The following C3 variants were observed in gnomAD, a reference collection of about 807,000 sequenced individuals.
C3 encodes complement C3, also known as C3 and PZP-like alpha-2-macroglobulin domain-containing protein 1.
In C3, 97 loss-of-function variants were observed where a neutral mutation model predicts 207.9. The ratio of observed to expected loss-of-function variants is 0.47; its 90% CI spans 0.40 to 0.55. The LOEUF (loss-of-function observed/expected upper bound fraction) is 0.55. Ranked by LOEUF, C3 falls within the 20% of genes least tolerant of loss-of-function variation. The probability of loss-of-function intolerance (pLI) is 0.00; values close to 1 mark genes in which losing one functional copy is unlikely to be tolerated. For synonymous variants in C3, 848 were observed against 857.6 expected (o/e 0.99, Z 0.20); for missense variants, 1,684 against 2,171.7 (o/e 0.78, Z 4.46).
chr19:6,719,784 C>G lies in C3; in HGVS notation c.75-381G>C, dbSNP rs115345528. Among the ~76,000 whole-genome samples the G allele has an allele frequency of 1.4e-3, 208 of 152,186 alleles. 1 individual carries two copies. Among genetic ancestry groups the G allele is most frequent in the African/African-American group, 4.9e-3 (203 of 41,500 alleles). On this transcript the variant is annotated intron_variant, in intron 1 of 40. Coordinates refer to ENST00000245907, the MANE Select transcript of C3 (RefSeq NM_000064.4). This position sits in a 1 kb window ranked among gnomAD's most constrained non-coding sequence, Gnocchi z 5.4. ...TGCCCCAAACCCTAAACCTCTACCT[C>G]TCTAAACACTCCAAATATGTAAACA...
At chr19:6,690,544 C>T (rs1230903308) in intron 27 of C3, 85 bp downstream of exon 27, 1 of 1,062,644 alleles carries the variant, frequency 9.4e-7, no homozygotes, top group Admixed American at 1.7e-5. Context: ...CTGCAAATTC[C>T]CTGAAGGCAA....
At chr19:6,716,755 T>C (rs1968041716) in intron 4 of C3, 1 of 152,208 alleles carries the variant, frequency 6.6e-6, no homozygotes, top group Non-Finnish European at 1.5e-5. Flanking sequence ...GAGAAGCAAT[T>C]ATCAAATGAA....
At chr19:6,684,684 C>T (rs145297462) in intron 31 of C3, 34 bp from the exon 32 acceptor site, 2 of 1,604,584 alleles carry the variant, frequency 1.2e-6, no homozygotes, top group Non-Finnish European at 1.7e-6. Context: ...CAATGTCAGC[C>T]CACAGGACTA....
chr19:6,697,049 T>TAAAA lies in C3; in HGVS notation c.2796+294_2796+295insTTTT, dbSNP rs202245108. Among the ~76,000 whole-genome samples the TAAAA allele has an allele frequency of 8.7e-5, 8 of 91,508 alleles. 1 individual carries two copies. The Admixed American group carries it at 9.1e-4, about 10-fold the overall frequency. 60.0% of individuals were successfully genotyped at this position (91,508 alleles called of 152,430 possible). A position where few individuals can be genotyped will look rare whatever the true frequency, so the allele number is the denominator to read the frequency against. Reference sequence around the variant, plus strand: ...AGAGTGAGACTCTGTCTCAAAAAAATAAACAAACAAATAAATAAATAAATA... The same window carrying TAAAA: ...AGAGTGAGACTCTGTCTCAAAAAAATAAAAAAACAAACAAATAAATAAATAAATA... On this transcript the variant is annotated intron_variant, in intron 21 of 40. Transcript: ENST00000245907.
At chr19:6,717,892 C>G (rs988307052) in intron 4 of C3, 4 of 652,772 alleles carry the variant, frequency 6.1e-6, no homozygotes, top group Non-Finnish European at 8.4e-6. Flanking sequence ...CTCTTTGCCT[C>G]TGTGTGTGTA....
chr19:6,710,664 T>A lies in C3; in HGVS notation c.1661A>T (p.Asp554Val). Residue 554 changes from aspartate (D) to valine (V), a missense_variant, in exon 13 of 41, where the codon GAC becomes GTC. By Grantham distance (152) the Asp-to-Val change is radical. Transcript: ENST00000245907. ...CGAGCCCACGCAGGAGTCCTTGACG[T>A]CCACCCACACGGAGTCGGCCACCAC... is the stretch of plus-strand genomic sequence containing the variant. Reference protein sequence around the residue: ...REVVADSVWVDVKDSCVGSLV... With the variant: ...REVVADSVWVVVKDSCVGSLV... 1 of 1,613,076 alleles carries A rather than the reference T, an allele frequency of 6.2e-7. No homozygotes were observed. Among genetic ancestry groups the A allele is most frequent in the Non-Finnish European group, 8.5e-7 (1 of 1,179,782 alleles).
rs1316475380 is a variant in C3 at position 6,712,344 on chromosome 19, C to G, written c.1182G>C (p.Glu394Asp). The G allele has an allele frequency of 6.2e-7, 1 of 1,614,110 alleles. No homozygotes were observed. The highest frequency in any genetic ancestry group is 8.5e-7 in the Non-Finnish European group (1 of 1,180,014). The change falls in exon 11 of 41, where the codon GAG becomes GAC. Residue 394 changes from glutamate to aspartate, a missense_variant. This residue lies in a region of C3 where 1,280 missense variants were observed against 1,739.1 expected (regional missense o/e 0.74). Transcript: ENST00000245907. ...CCTGGGTTAGAGACTGCACAGTGTC[C>G]TCGCCCTGGACTGCCACGGGGACTC... ...AYRVPVAVQG[E>D]DTVQSLTQGD...
chr19:6,712,580 C>G lies in C3; in HGVS notation c.1047G>C (p.Val349=), dbSNP rs747191565. 1.2e-5 allele frequency: 19 copies of G among 1,614,010 alleles called. No homozygotes were observed. The Admixed American group carries it at 1.5e-4, about 13-fold the overall frequency. The change falls in exon 10 of 41, where the codon GTG becomes GTC. Residue 349 remains valine (V), a synonymous_variant. Coordinates refer to ENST00000245907, the MANE Select transcript of C3 (RefSeq NM_000064.4). The part of the protein sequence containing the change: ...VQAERSGIPI[V]TSPYQIHFTK... ...TGAAGTGGATCTGGTAGGGAGAGGTCACGATGGGGATCCCGCTGCGCTCTG... is the reference window on the plus strand; with the variant it reads ...TGAAGTGGATCTGGTAGGGAGAGGTGACGATGGGGATCCCGCTGCGCTCTG...
intron 25 of C3, 34 bp from the exon 26 acceptor site, chr19:6,693,117 C>G (rs756026279): frequency 6.2e-7 from 1 of 1,611,624 alleles, no homozygotes; most frequent in Non-Finnish European, 8.5e-7. Context: ...CCAATCGGCT[C>G]TGAGATCCAG....
chr19:6,684,366 C>G (rs1451948923), intron 33 of C3, 22 bp downstream of exon 33: 1 of 1,605,612 alleles, frequency 6.2e-7, no homozygotes, highest in Non-Finnish European at 8.5e-7. Context: ...CCAAGATGAA[C>G]CCCGGTGACC....
At chr19:6,686,027 G>T in intron 29 of C3, 97 bp downstream of exon 29, 1 of 1,257,984 alleles carries the variant, frequency 7.9e-7, no homozygotes, top group Non-Finnish European at 1.2e-6. Context: ...TGGGAATGAA[G>T]AACTGCCTCG....
At chr19:6,688,598 C>A (rs886219990) in intron 27 of C3, among the ~76,000 whole-genome samples, 2 of 151,874 alleles carry the variant, frequency 1.3e-5, no homozygotes, top group African/African-American at 4.8e-5. Flanking sequence ...CGGCTCACTG[C>A]AACCTCCACC....
chr19:6,713,946 T>C (rs773478596), intron 7 of C3, 46 bp downstream of exon 7: 42 of 1,040,752 alleles, frequency 4.0e-5, no homozygotes, highest in Middle Eastern at 2.5e-4. Context: ...GGTCTTCACC[T>C]GGTCCCTCAC....
chr19:6,707,473 C>T lies in C3; in HGVS notation c.2040G>A (p.Met680Ile). The T allele has an allele frequency of 6.2e-7, 1 of 1,614,022 alleles. No individual in the cohort carries two copies. Among genetic ancestry groups the T allele is most frequent in the Non-Finnish European group, 8.5e-7 (1 of 1,179,958 alleles). ...GGTAGGAAAGGCTCCCACCTTTGTC[C>T]ATTCGCTTCTCCGTGAGCTGCACGG... ...RRSVQLTEKR[M>I]DKVGKYPKEL... The change falls in exon 16 of 41, where the codon ATG becomes ATA. Residue 680 changes from methionine (M) to isoleucine (I), a missense_variant. Coordinates refer to ENST00000245907, the MANE Select transcript of C3 (RefSeq NM_000064.4).
intron 35 of C3, among the ~76,000 whole-genome samples, chr19:6,681,366 G>T (rs906423742): frequency 2.2e-5 from 3 of 134,416 alleles, no homozygotes; most frequent in Admixed American, 1.5e-4. Flanking sequence ...AAAAAGCTGG[G>T]TACAAAAGCA....
Position 6,718,184 on chromosome 19 carries a change from C to A in C3, c.434-20G>T. 4 of 1,614,104 alleles carry A rather than the reference C, an allele frequency of 2.5e-6. No individual in the cohort carries two copies. Among genetic ancestry groups the A allele is most frequent in the Non-Finnish European group, 3.4e-6 (4 of 1,179,978 alleles). ...AGAGAACTGGGGAGAGACAAAGAGG[C>A]CTCGTGAGACCCTAGCCCGCCCACG... is the stretch of plus-strand genomic sequence containing the variant. On this transcript the variant is annotated intron_variant, in intron 3 of 40. Coordinates refer to ENST00000245907, the MANE Select transcript of C3 (RefSeq NM_000064.4).
rs1185334486 is a variant in C3, at chr19:6,710,821, T to G, written c.1504A>C (p.Lys502Gln). ...GGCTCTCGCACCTGGCGTCCCGCCT[T>G]CAACAGCCTGCCCTTGTTCATGATC... ...YLIMNKGRLL[K>Q]AGRQVREPGQ... Residue 502 changes from lysine to glutamine, a missense_variant, in exon 13 of 41, where the codon AAG becomes CAG. This residue lies in a region of C3 where 1,280 missense variants were observed against 1,739.1 expected (regional missense o/e 0.74). Coordinates refer to ENST00000245907, the MANE Select transcript of C3 (RefSeq NM_000064.4). 1 of 1,613,960 alleles carries G rather than the reference T, an allele frequency of 6.2e-7. No individual in the cohort carries two copies. The highest frequency in any genetic ancestry group is 1.7e-5 in the Admixed American group (1 of 60,020).
In C3 at chr19:6,684,404, G is replaced by A; in HGVS notation, c.4156C>T (p.Leu1386Phe). The part of the protein sequence containing the change: ...RPQDAKNTMI[L>F]EICTRYRGDQ... ...GCTTCTTACCTGGTACAGATCTCAA[G>A]GATCATAGTGTTCTTGGCATCCTGA... Residue 1386 changes from leucine to phenylalanine, a missense_variant, in exon 33 of 41, where the codon CTT (leucine) becomes TTT (phenylalanine). This residue lies in a region of C3 where 346 missense variants were observed against 380.1 expected (regional missense o/e 0.91). Coordinates refer to ENST00000245907, the MANE Select transcript of C3 (RefSeq NM_000064.4). 1.9e-6 allele frequency: 3 copies of A among 1,613,936 alleles called. No individual in the cohort carries two copies. Among genetic ancestry groups the A allele is most frequent in the Non-Finnish European group, 2.5e-6 (3 of 1,179,816 alleles).
In C3 at chr19:6,699,968, AT is replaced by A. The variant is rs1464127666; in HGVS notation, c.2440+2158del. Among the ~76,000 whole-genome samples the A allele has an allele frequency of 4.7e-5, 7 of 149,236 alleles. No homozygotes were observed. In the East Asian group the frequency reaches 1.4e-3, roughly 29 times the overall value. ...AAATGATACATCATTTATATTATAT[AT>A]CTAATAAAATATACATTATATATGT... On this transcript the variant is annotated intron_variant, in intron 19 of 40. Transcript: ENST00000245907.
Sources: gnomAD v4.1 joint callset for allele counts (sites outside exome capture counted in the v4.1 genomes callset) on GRCh38, gnomAD v4.1.1 for gene constraint, gnomAD v4.1.1 regional missense constraint, Gnocchi (gnomAD v3.1) non-coding constraint, MANE v1.5 for transcripts, NCBI Gene and HGNC (gene_info 2026-07-23, HGNC 2026-07-21) for gene names.